Variants in NUMB observed in about 807,000 individuals in gnomAD.
NUMB encodes NUMB endocytic adaptor protein, also known as protein numb homolog.
NUMB carries 29 observed loss-of-function variants against 59.7 expected under a neutral mutation model. The ratio of observed to expected loss-of-function variants is 0.49; its 90% confidence interval spans 0.36 to 0.66. The LOEUF is 0.66. Among genes scored for constraint, NUMB ranks in the 30% least tolerant of loss-of-function variants. The pLI is 0.00. For missense variants in NUMB, 723 were observed against 822.0 expected (o/e 0.88, Z 1.47); for synonymous variants, 288 against 288.2 (o/e 1.00, Z 0.01).
intron 8 of NUMB, 69 bp from the exon 9 acceptor site, chr14:73,287,383 GT>G: frequency 7.7e-7 from 1 of 1,305,416 alleles, no homozygotes; most frequent in Non-Finnish European, 1.0e-6. Flanking sequence ...TAAGTCTTTT[GT>G]TTTGTTTTGT....
At chr14:73,412,524 G>A (rs1225763047) in intron 1 of NUMB, among the ~76,000 whole-genome samples, 1 of 151,700 alleles carries the variant, frequency 6.6e-6, no homozygotes, top group Admixed American at 6.6e-5. Flanking sequence ...CTACTCGGGA[G>A]GCTGAGGCAG....
chr14:73,456,703 C>T (rs571264472), intron 1 of NUMB, among the ~76,000 whole-genome samples: 33 of 152,264 alleles, frequency 2.2e-4, no homozygotes, highest in African/African-American at 6.3e-4. Flanking sequence ...GGCAATTTGC[C>T]TCTACCTGTC....
chr14:73,303,871 A>C (rs1473490756), intron 6 of NUMB, among the ~76,000 whole-genome samples: 1 of 152,216 alleles, frequency 6.6e-6, no homozygotes, highest in Non-Finnish European at 1.5e-5. Flanking sequence ...GAGCAGAAGG[A>C]TCAAGCTAAC....
intron 10 of NUMB, among the ~76,000 whole-genome samples, chr14:73,283,317 C>T (rs183164457): frequency 7.9e-5 from 12 of 152,310 alleles, no homozygotes; most frequent in Non-Finnish European, 1.3e-4. Flanking sequence ...GTCAGATGAA[C>T]TTAACTCTCT....
chr14:73,417,310 G>C (rs376356703), intron 1 of NUMB, among the ~76,000 whole-genome samples: 20 of 152,268 alleles, frequency 1.3e-4, no homozygotes, highest in Admixed American at 5.9e-4. Context: ...ACTGCTAAAA[G>C]AGCATTAATT....
At chr14:73,346,138 T>C (rs748073429) in intron 4 of NUMB, among the ~76,000 whole-genome samples, 1 of 152,124 alleles carries the variant, frequency 6.6e-6, no homozygotes, top group Non-Finnish European at 1.5e-5. Flanking sequence ...AAGTTTCCTA[T>C]GGGTAATATT....
intron 1 of NUMB, among the ~76,000 whole-genome samples, chr14:73,455,040 G>C (rs746568389): frequency 2.0e-5 from 3 of 152,096 alleles, no homozygotes; most frequent in Admixed American, 2.0e-4. Flanking sequence ...TTTGTGAAAA[G>C]TCTGCATCTG....
chr14:73,401,312 G>A (rs1191994476), intron 2 of NUMB, among the ~76,000 whole-genome samples: 2 of 151,972 alleles, frequency 1.3e-5, no homozygotes, highest in Non-Finnish European at 2.9e-5. Context: ...GTTTGTGGGG[G>A]CAACAGGTAT....
intron 5 of NUMB, among the ~76,000 whole-genome samples, chr14:73,319,732 C>T (rs752182952): frequency 1.1e-4 from 17 of 152,062 alleles, no homozygotes; most frequent in Admixed American, 5.2e-4. Flanking sequence ...GAAAAGAAGA[C>T]AAAAATCAGG....
chr14:73,409,010 C>T (rs1300074743), intron 2 of NUMB: 2 of 152,024 alleles, frequency 1.3e-5, no homozygotes, highest in African/African-American at 2.4e-5. Context: ...TGAACTCATA[C>T]ACCATAATAT....
In NUMB at chr14:73,277,441, T is replaced by C. The variant is rs995095489; in HGVS notation, c.1241-148A>G. 4 of 652,250 alleles carry C rather than the reference T, an allele frequency of 6.1e-6. 1 individual carries two copies. In the South Asian group the frequency reaches 8.2e-5, roughly 13 times the overall value. 40.4% of individuals were successfully genotyped at this position (652,250 alleles called of 1,614,324 possible). A position where few individuals can be genotyped will look rare whatever the true frequency, so the allele number is the denominator to read the frequency against. ...GGTTTTGATAGGTAGGAGTAAAGTC[T>C]CTATTACCAACTGGGATTTTGTGGT... On this transcript the variant is annotated intron_variant, in intron 12 of 12. Coordinates refer to ENST00000555238, the MANE Select transcript of NUMB (RefSeq NM_001005743.2).
intron 4 of NUMB, among the ~76,000 whole-genome samples, chr14:73,324,655 G>A (rs1255830075): frequency 6.6e-6 from 1 of 151,724 alleles, no homozygotes; most frequent in African/African-American, 2.4e-5. Flanking sequence ...TCAAGGTCTG[G>A]TTGCAGGTAA....
intron 5 of NUMB, among the ~76,000 whole-genome samples, chr14:73,320,425 G>T (rs926471078): frequency 2.0e-5 from 3 of 152,018 alleles, no homozygotes; most frequent in Non-Finnish European, 4.4e-5. Flanking sequence ...TAGAGACAGG[G>T]TCTCACTATG....
chr14:73,314,501 T>C (rs1043194612), intron 6 of NUMB, among the ~76,000 whole-genome samples: 1 of 152,150 alleles, frequency 6.6e-6, no homozygotes, highest in African/African-American at 2.4e-5. Flanking sequence ...TCAGCTACAG[T>C]GTAGGTGCAT....
intron 3 of NUMB, 119 bp downstream of exon 3, chr14:73,366,778 T>C (rs1340917865): frequency 6.6e-6 from 1 of 152,194 alleles, no homozygotes; most frequent in Non-Finnish European, 1.5e-5. Flanking sequence ...AAAAATATTA[T>C]CAGTAATTGT....
rs1249871555 is a variant in NUMB, at chr14:73,275,292, A to C, written c.*1286T>G. 6.6e-6 allele frequency: 1 copy of C among 152,614 alleles called. No homozygotes were observed. Among genetic ancestry groups the C allele is most frequent in the African/African-American group, 2.4e-5 (1 of 41,436 alleles). 9.5% of individuals were successfully genotyped at this position (152,614 alleles called of 1,614,324 possible). A position where few individuals can be genotyped will look rare whatever the true frequency, so the allele number is the denominator to read the frequency against. Reference sequence around the variant, plus strand: ...TACAAATATATATAACTTACATTTGATTGTAAGGCCAACGTTCAAAAGTAA... The same window carrying C: ...TACAAATATATATAACTTACATTTGCTTGTAAGGCCAACGTTCAAAAGTAA... On this transcript the variant is annotated 3_prime_UTR_variant, in exon 13 of 13. Transcript: ENST00000555238.
chr14:73,288,507 C>T lies in NUMB; in HGVS notation c.451-1193G>A, dbSNP rs200963159. Among the ~76,000 whole-genome samples the T allele has an allele frequency of 1.4e-3, 210 of 151,986 alleles. 1 individual carries two copies. Among genetic ancestry groups the T allele is most frequent in the Non-Finnish European group, 2.3e-3 (155 of 67,956 alleles). On this transcript the variant is annotated intron_variant, in intron 8 of 12. Coordinates refer to ENST00000555238, the MANE Select transcript of NUMB (RefSeq NM_001005743.2). ...TAGAGGTTGCTGTGAGCTGAGATGG[C>T]GCCATTGCACTCCAGCCTGGGCAAC... is the stretch of plus-strand genomic sequence containing the variant.
intron 11 of NUMB, among the ~76,000 whole-genome samples, chr14:73,281,790 T>C (rs8013402): frequency 0.25 from 37,983 of 152,054 alleles, 5,586 homozygotes; most frequent in East Asian, 0.68. Context: ...ACTAGGTGAG[T>C]CCAGGGCTTC....
chr14:73,332,783 C>T (rs1566746868), intron 4 of NUMB, among the ~76,000 whole-genome samples: 2 of 152,066 alleles, frequency 1.3e-5, no homozygotes, highest in African/African-American at 2.4e-5. Context: ...CCACAGCCCC[C>T]GGCAACTACC....
Sources: gnomAD v4.1 joint callset for allele counts (sites outside exome capture counted in the v4.1 genomes callset) on GRCh38, gnomAD v4.1.1 for gene constraint, MANE v1.5 for transcripts, NCBI Gene and HGNC (gene_info 2026-07-23, HGNC 2026-07-21) for gene names.